Variants in CRACD observed in about 807,000 individuals in gnomAD.
The protein encoded by CRACD is capping protein-inhibiting regulator of actin dynamics.
In CRACD, 56 loss-of-function variants were observed where a neutral mutation model predicts 106.8. That is an observed-to-expected ratio of 0.52 (90% CI 0.42 to 0.66). The LOEUF (loss-of-function observed/expected upper bound fraction) is 0.66. CRACD is among the 30% of genes least tolerant of loss of function. The pLI, the probability that CRACD is intolerant of heterozygous loss-of-function variation, is 0.00. For synonymous variants in CRACD, 754 were observed against 670.8 expected (o/e 1.12, Z -1.92); for missense variants, 1,730 against 1,623.2 (o/e 1.07, Z -1.13).
chr4:56,175,198 A>G (rs1736532621), intron 1 of CRACD, among the ~76,000 whole-genome samples: 1 of 152,166 alleles, frequency 6.6e-6, no homozygotes, highest in African/African-American at 2.4e-5. Flanking sequence ...CAGCAGTGAG[A>G]TTGCTGGATC....
intron 2 of CRACD, among the ~76,000 whole-genome samples, chr4:56,226,753 G>A (rs763000243): frequency 6.6e-6 from 1 of 151,870 alleles, no homozygotes; most frequent in African/African-American, 2.4e-5. Context: ...GAGTGAGTTC[G>A]CTATTTGTTC....
chr4:56,129,315 G>A (rs961576611), intron 1 of CRACD, among the ~76,000 whole-genome samples: 3 of 152,174 alleles, frequency 2.0e-5, no homozygotes, highest in African/African-American at 7.2e-5. Context: ...TGATCCTCTT[G>A]TCTCAGCCTC....
At chr4:56,247,457 T>G (rs1740747547) in intron 2 of CRACD, among the ~76,000 whole-genome samples, 1 of 152,230 alleles carries the variant, frequency 6.6e-6, no homozygotes, top group African/African-American at 2.4e-5. Flanking sequence ...AAGTCCACTT[T>G]GGCTTTCAGA....
intron 3 of CRACD, among the ~76,000 whole-genome samples, chr4:56,286,573 C>A (rs1743368673): frequency 7.0e-6 from 1 of 142,742 alleles, no homozygotes; most frequent in African/African-American, 2.5e-5. Context: ...TCAGAGAAAG[C>A]TGAATTGGAA....
At chr4:56,285,866 G>A (rs1376815996) in intron 3 of CRACD, among the ~76,000 whole-genome samples, 1 of 152,182 alleles carries the variant, frequency 6.6e-6, no homozygotes, top group African/African-American at 2.4e-5. Flanking sequence ...GAGACTTGCT[G>A]AAAGCCACAC....
chr4:56,236,322 G>A (rs1739966738), intron 2 of CRACD, among the ~76,000 whole-genome samples: 1 of 152,176 alleles, frequency 6.6e-6, no homozygotes, highest in Admixed American at 6.5e-5. Flanking sequence ...TTCCCCTAGG[G>A]CCTTCAGAGG....
At chr4:56,090,180 A>T (rs1240572009) in intron 1 of CRACD, among the ~76,000 whole-genome samples, 3 of 151,926 alleles carry the variant, frequency 2.0e-5, no homozygotes, top group Admixed American at 6.6e-5. Context: ...GGCAGGATCA[A>T]CTAGTTAAGA....
chr4:56,062,269 T>C (rs538174374), intron 1 of CRACD, among the ~76,000 whole-genome samples: 3 of 152,238 alleles, frequency 2.0e-5, no homozygotes, highest in Non-Finnish European at 4.4e-5. Flanking sequence ...GAATGCATCT[T>C]AGGAGACCAT....
At chr4:56,202,750 G>C (rs113813470) in intron 2 of CRACD, among the ~76,000 whole-genome samples, 48 of 152,180 alleles carry the variant, frequency 3.2e-4, no homozygotes, top group African/African-American at 1.0e-3. Context: ...TAAACCTTCT[G>C]AAATAACTTT....
intron 1 of CRACD, among the ~76,000 whole-genome samples, chr4:56,087,815 A>G (rs146723434): frequency 4.5e-4 from 69 of 152,258 alleles, no homozygotes; most frequent in African/African-American, 1.7e-3. Context: ...TACCCAAGTC[A>G]CTGAAGCCAT....
At chr4:56,182,852 A>G (rs1018809429) in intron 2 of CRACD, among the ~76,000 whole-genome samples, 1 of 135,924 alleles carries the variant, frequency 7.4e-6, no homozygotes, top group African/African-American at 2.8e-5. Flanking sequence ...TACAACGTAG[A>G]AAAAAAAGAT....
chr4:56,149,185 T>G (rs1470951457), intron 1 of CRACD, among the ~76,000 whole-genome samples: 3 of 152,092 alleles, frequency 2.0e-5, no homozygotes, highest in African/African-American at 7.2e-5. Context: ...AACAGTGAGA[T>G]CCCTGTCTTT....
intron 1 of CRACD, among the ~76,000 whole-genome samples, chr4:56,153,297 T>C (rs570416215): frequency 6.6e-6 from 1 of 152,260 alleles, no homozygotes; most frequent in South Asian, 2.1e-4. Flanking sequence ...AAAAAAGCAA[T>C]TTCTGACTTC....
intron 1 of CRACD, among the ~76,000 whole-genome samples, chr4:56,053,445 G>A (rs1462339179): frequency 6.6e-6 from 1 of 151,958 alleles, no homozygotes; most frequent in African/African-American, 2.4e-5. Flanking sequence ...GCGTTTTTCA[G>A]GAAATATATT....
chr4:56,270,712 T>C (rs1347485920), intron 2 of CRACD, among the ~76,000 whole-genome samples: 1 of 152,188 alleles, frequency 6.6e-6, no homozygotes, highest in African/African-American at 2.4e-5. Context: ...AGTGTCAATG[T>C]AATAGGATTG....
At chr4:56,073,517 C>T (rs536318171) in intron 1 of CRACD, among the ~76,000 whole-genome samples, 26 of 151,960 alleles carry the variant, frequency 1.7e-4, no homozygotes, top group African/African-American at 6.3e-4. Flanking sequence ...ACGGAGAGTC[C>T]TTATTCATAT....
intron 2 of CRACD, among the ~76,000 whole-genome samples, chr4:56,234,137 T>C (rs940745839): frequency 6.6e-6 from 1 of 152,156 alleles, no homozygotes; most frequent in African/African-American, 2.4e-5. Flanking sequence ...TTTTAAAGTA[T>C]ACAACTCAGT....
At chr4:56,122,500 G>A (rs910420878) in intron 1 of CRACD, among the ~76,000 whole-genome samples, 8 of 152,008 alleles carry the variant, frequency 5.3e-5, no homozygotes, top group African/African-American at 9.7e-5. Context: ...CCACTGATTC[G>A]AGTCTTGTTT....
rs755958384 is a variant in CRACD, at chr4:56,310,451, C to T, written c.286-215C>T. Among the ~76,000 whole-genome samples, 28 of 152,138 alleles carry T rather than the reference C, an allele frequency of 1.8e-4. 1 individual carries two copies. The highest frequency in any genetic ancestry group is 3.7e-4 in the Non-Finnish European group (25 of 68,024). On this transcript the variant is annotated intron_variant, in intron 5 of 10. Transcript: ENST00000682029. ...ACCCAGGTGGGAAACACATTGAACT[C>T]GGGGAGAGGCTGGTGCACCCTCTGT...
Sources: allele counts gnomAD v4.1 joint callset (sites outside exome capture counted in the v4.1 genomes callset), GRCh38; gene constraint gnomAD v4.1.1; transcripts MANE v1.5; gene names NCBI Gene and HGNC (gene_info 2026-07-23, HGNC 2026-07-21).